VWCE: variants seen among roughly 807,000 people sequenced by gnomAD.
VWCE encodes von Willebrand factor C and EGF domains, also known as von Willebrand factor C and EGF domain-containing protein.
Under a neutral mutation model 102.9 loss-of-function variants are expected in VWCE, and 68 were observed. That is an observed-to-expected ratio of 0.66 (90% CI 0.54 to 0.81). The LOEUF (loss-of-function observed/expected upper bound fraction) is 0.81, where lower values mean the gene tolerates loss of function less well. VWCE is among the 30% of genes least tolerant of loss of function. The pLI, the probability that VWCE is intolerant of heterozygous loss-of-function variation, is 0.00. For synonymous variants in VWCE, 497 were observed against 515.4 expected, an observed-to-expected ratio of 0.96 and a Z score of 0.48; for missense variants, 1,137 against 1,263.6, an observed-to-expected ratio of 0.90 and a Z score of 1.52.
intron 19 of VWCE, among the ~76,000 whole-genome samples, chr11:61,263,765 T>C (rs1854424567): frequency 6.6e-6 from 1 of 152,128 alleles, no homozygotes. Flanking sequence ...CACAGGAGGA[T>C]GACAAGAGTA....
chr11:61,290,235 G>A (rs1855456828), intron 4 of VWCE, among the ~76,000 whole-genome samples: 1 of 152,168 alleles, frequency 6.6e-6, no homozygotes, highest in South Asian at 2.1e-4. Context: ...AATGGGGCTG[G>A]GTGCGGTGGC....
rs1213181796 is a variant in VWCE, at chr11:61,294,754, C to A, written c.110+174G>T. On this transcript the variant is annotated intron_variant, in intron 1 of 19. Coordinates refer to ENST00000335613, the MANE Select transcript of VWCE (RefSeq NM_152718.2). The surrounding 1 kb of genome is among the most constrained non-coding windows in gnomAD (Gnocchi z 6.3). ...GGCACGATGAGCACCCGCCTAGAGG[C>A]ACAAGTTGCTGACTCTTTGTGCCGT... 6.6e-6 allele frequency among the ~76,000 whole-genome samples: 1 copy of A among 152,214 alleles called. No homozygotes were observed. Among genetic ancestry groups the A allele is most frequent in the Non-Finnish European group, 1.5e-5 (1 of 68,034 alleles).
At chr11:61,263,985 G>A (rs1854431072) in intron 19 of VWCE, among the ~76,000 whole-genome samples, 2 of 152,012 alleles carry the variant, frequency 1.3e-5, no homozygotes, top group Non-Finnish European at 2.9e-5. Flanking sequence ...CAGCACTTTG[G>A]GAGGCTGAGG....
intron 19 of VWCE, among the ~76,000 whole-genome samples, chr11:61,260,859 AAGTC>A (rs1854334735): frequency 6.6e-6 from 1 of 152,172 alleles, no homozygotes. Context: ...AACCACCAGA[AAGTC>A]AGGAATCATC....
chr11:61,290,065 C>A (rs931984925), intron 4 of VWCE, among the ~76,000 whole-genome samples: 1 of 152,200 alleles, frequency 6.6e-6, no homozygotes, highest in Non-Finnish European at 1.5e-5. Context: ...TTTTAAATGT[C>A]ATTTTCCCAA....
At position 61,282,787 on chromosome 11, in the gene VWCE, A is replaced by C; in HGVS notation, c.658+2T>G. 6.2e-7 allele frequency: 1 copy of C among 1,613,456 alleles called. No homozygotes were observed. The highest frequency in any genetic ancestry group is 1.1e-5 in the South Asian group (1 of 91,056). On this transcript the variant is annotated splice_donor_variant, in intron 6 of 19. Transcript: ENST00000335613. LOFTEE classifies it high-confidence loss of function. ...CAGACCACAGGGTCCTCCCCGCCTT[A>C]CCTACACAGGAGTGCCGGTTGCCAT...
chr11:61,269,219 G>A (rs954489678), intron 14 of VWCE: 7 of 577,446 alleles, frequency 1.2e-5, no homozygotes, highest in African/African-American at 3.7e-5. Flanking sequence ...GGAAGTCTAT[G>A]CATCTTTAAG....
chr11:61,265,822 G>A (rs1209569437), intron 16 of VWCE, among the ~76,000 whole-genome samples: 1 of 152,180 alleles, frequency 6.6e-6, no homozygotes, highest in Non-Finnish European at 1.5e-5. Context: ...GAGGCAGGAG[G>A]ATCATTTGAG....
rs1763993584 is a variant in VWCE, at chr11:61,280,895, G to A, written c.1128C>T (p.Ser376=). ...GAGAGGGCCCTGCTGCCAGTCGGGG[G>A]GACTCAGGGCCCCTGGGTGAGGAAG... ...GTPSSPRGPE[S]PRLAAGPSPC... Residue 376 remains serine (S), a synonymous_variant, in exon 8 of 20, where the codon TCC becomes TCT. Transcript: ENST00000335613. 1.3e-6 allele frequency: 2 copies of A among 1,531,388 alleles called. No homozygotes were observed. The highest frequency in any genetic ancestry group is 1.3e-5 in the South Asian group (1 of 76,994). The allele number at this position is 1,531,388 out of a possible 1,614,324, so 94.9% of individuals were successfully genotyped here.
intron 11 of VWCE, 62 bp downstream of exon 11, chr11:61,276,531 T>C: frequency 1.6e-6 from 2 of 1,246,536 alleles, no homozygotes; most frequent in South Asian, 2.0e-5. Context: ...GGCAACATAG[T>C]GAGGTCTACA....
chr11:61,290,169 A>G (rs1008911247), intron 4 of VWCE, among the ~76,000 whole-genome samples: 1 of 152,108 alleles, frequency 6.6e-6, no homozygotes, highest in African/African-American at 2.4e-5. Context: ...CCCCATGACA[A>G]TGGAGCTGTT....
At chr11:61,267,573 A>C (rs369193986) in intron 15 of VWCE, 29 bp from the exon 16 acceptor site, 599 of 1,611,406 alleles carry the variant, frequency 3.7e-4, no homozygotes, top group Admixed American at 5.3e-4. Context: ...GCTGAGCACC[A>C]GCTGGGAGTG....
chr11:61,285,008 C>T (rs567292143), intron 5 of VWCE, among the ~76,000 whole-genome samples: 2 of 151,986 alleles, frequency 1.3e-5, no homozygotes, highest in South Asian at 2.1e-4. Context: ...AGTGAGGACA[C>T]AGCAAGAAGA....
In VWCE at chr11:61,286,301, C is replaced by T. The variant is rs1321618842; in HGVS notation, c.541+13G>A. On this transcript the variant is annotated intron_variant, in intron 5 of 19. Transcript: ENST00000335613. ...ACCCCTCCCAGAGCAGCCATTCCTTCTCTGCAGCTCACCTTGGCAGCTGTG... is the reference window on the plus strand; with the variant it reads ...ACCCCTCCCAGAGCAGCCATTCCTTTTCTGCAGCTCACCTTGGCAGCTGTG... 6.2e-7 allele frequency: 1 copy of T among 1,604,254 alleles called. No individual in the cohort carries two copies.
In VWCE at chr11:61,259,020, G is replaced by A. The variant is rs138782125; in HGVS notation, c.2523C>T (p.Ser841=). The A allele has an allele frequency of 5.0e-5, 80 of 1,613,718 alleles. No individual in the cohort carries two copies. In the African/African-American group the frequency reaches 8.1e-4, roughly 16 times the overall value. Residue 841 remains serine (S), a synonymous_variant, in exon 20 of 20, where the codon TCC becomes TCT. Transcript: ENST00000335613. ...TCGAAGGCCCTGGTGAGAGTCGAGGGGAGGCCCCAGGCTCCCCTGGGAAAG... is the reference window on the plus strand; with the variant it reads ...TCGAAGGCCCTGGTGAGAGTCGAGGAGAGGCCCCAGGCTCCCCTGGGAAAG... ...TATFPGEPGA[S]PRLSPGPSTP... is the part of the protein sequence containing the mutation.
intron 19 of VWCE, among the ~76,000 whole-genome samples, chr11:61,264,143 G>A (rs935587671): frequency 6.7e-5 from 10 of 148,750 alleles, no homozygotes; most frequent in African/African-American, 1.5e-4. Flanking sequence ...GGAGAATGGC[G>A]TGAACCCGGG....
Position 61,295,272 on chromosome 11 carries a change from A to C in VWCE, c.-235T>G. 1 of 353,386 alleles carries C rather than the reference A, an allele frequency of 2.8e-6. No homozygotes were observed. The highest frequency in any genetic ancestry group is 1.5e-4 in the South Asian group (1 of 6,738). 21.9% of individuals were successfully genotyped at this position (353,386 alleles called of 1,614,324 possible). A position where few individuals can be genotyped will look rare whatever the true frequency, so the allele number is the denominator to read the frequency against. ...TCTCTGGCACCTCGAAGCGAAACAC[A>C]CAAAGGCAACGCCGCCCGCCTGCTG... On this transcript the variant is annotated 5_prime_UTR_variant, in exon 1 of 20. Coordinates refer to ENST00000335613, the MANE Select transcript of VWCE (RefSeq NM_152718.2). The surrounding 1 kb of genome is among the most constrained non-coding windows in gnomAD (Gnocchi z 4.6).
At chr11:61,263,922 T>C (rs1019466049) in intron 19 of VWCE, among the ~76,000 whole-genome samples, 1 of 151,972 alleles carries the variant, frequency 6.6e-6, no homozygotes, top group African/African-American at 2.4e-5. Flanking sequence ...AGAAAGGGGA[T>C]AAAGAAGAAA....
intron 9 of VWCE, among the ~76,000 whole-genome samples, chr11:61,279,276 T>C (rs1188778018): frequency 6.6e-6 from 1 of 151,886 alleles, no homozygotes; most frequent in African/African-American, 2.4e-5. Flanking sequence ...ACAACAGTCA[T>C]TAAGAAAATC....
Sources: gnomAD v4.1 joint callset for allele counts (sites outside exome capture counted in the v4.1 genomes callset) on GRCh38, gnomAD v4.1.1 for gene constraint, Gnocchi (gnomAD v3.1) non-coding constraint, MANE v1.5 for transcripts, NCBI Gene and HGNC (gene_info 2026-07-23, HGNC 2026-07-21) for gene names.